ACSF3: variants seen among roughly 807,000 people sequenced by gnomAD.
The protein encoded by ACSF3 is acyl-CoA synthetase family member 3, also known as malonate--CoA ligase ACSF3, mitochondrial.
In ACSF3, 78 loss-of-function variants were observed where a neutral mutation model predicts 53.2. The observed-to-expected ratio is 1.47, with a 90% confidence interval of 1.22 to 1.77. The LOEUF is 1.77. Among genes scored for constraint, ACSF3 ranks in the 40% most tolerant of loss-of-function variants. The pLI is 0.00. For synonymous variants in ACSF3, 414 were observed against 333.1 expected (o/e 1.24, Z -2.65); for missense variants, 937 against 771.1 (o/e 1.22, Z -2.55).
rs959029403 is a variant in ACSF3, at chr16:89,098,687, C to G, written c.-97C>G. 2.2e-5 allele frequency: 10 copies of G among 454,030 alleles called. No homozygotes were observed. The highest frequency in any genetic ancestry group is 1.8e-4 in the African/African-American group (9 of 50,022). 28.1% of individuals were successfully genotyped at this position (454,030 alleles called of 1,614,324 possible). A position where few individuals can be genotyped will look rare whatever the true frequency, so the allele number is the denominator to read the frequency against. On this transcript the variant is annotated 5_prime_UTR_variant, in exon 2 of 11. Transcript: ENST00000614302. ...CCTGCACCTTATCGTGCCCTTCCAC[C>G]TGCTGAAGCAGCTGTGCCTGCCGCT...
intron 6 of ACSF3, among the ~76,000 whole-genome samples, chr16:89,119,708 G>A (rs1018126215): frequency 1.3e-5 from 2 of 152,146 alleles, no homozygotes; most frequent in African/African-American, 4.8e-5. Flanking sequence ...GAGAACTCCC[G>A]AGGTGACACT....
intron 8 of ACSF3, among the ~76,000 whole-genome samples, chr16:89,139,347 T>C (rs796420934): frequency 1.3e-5 from 2 of 152,150 alleles, no homozygotes; most frequent in African/African-American, 4.8e-5. Context: ...TCTTCCCTCT[T>C]CCGCCCCCAG....
At chr16:89,117,424 A>T (rs1183308601) in intron 6 of ACSF3, among the ~76,000 whole-genome samples, 1 of 152,132 alleles carries the variant, frequency 6.6e-6, no homozygotes, top group East Asian at 1.9e-4. Flanking sequence ...TTTTTACTGG[A>T]ACAGATACAA....
chr16:89,142,841 A>G (rs1405072728), intron 8 of ACSF3, among the ~76,000 whole-genome samples: 1 of 152,256 alleles, frequency 6.6e-6, no homozygotes, highest in Non-Finnish European at 1.5e-5. Flanking sequence ...GGGGTCTCGC[A>G]GTGGGCGGAG....
At position 89,100,953 on chromosome 16, in the gene ACSF3, G is replaced by A; in HGVS notation, c.272G>A (p.Gly91Glu). 6.2e-7 allele frequency: 1 copy of A among 1,613,648 alleles called. No individual in the cohort carries two copies. The highest frequency in any genetic ancestry group is 1.1e-5 in the South Asian group (1 of 91,086). The change falls in exon 3 of 11, where the codon GGG (glycine) becomes GAG (glutamate). Residue 91 changes from glycine (G) to glutamate (E), a missense_variant. Transcript: ENST00000614302. ...EICRLCGCVG[G>E]DLREERVSFL... ...TGCAGGCTCTGCGGGTGTGTCGGCG[G>A]GGACCTCCGGGAGGAGAGGGTCTCC...
chr16:89,134,187 T>C (rs924980010), intron 8 of ACSF3, among the ~76,000 whole-genome samples: 4 of 152,212 alleles, frequency 2.6e-5, no homozygotes, highest in African/African-American at 9.7e-5. Context: ...GGCAGGCTGC[T>C]TCCAAGATGG....
Position 89,156,146 on chromosome 16 carries a change from C to G in ACSF3, c.*1939C>G, listed in dbSNP as rs1387495276. ...CCAGTGCCCAGCCAGGCCCCTGGTT[C>G]CCCTCTGCTCCACCAGCCGAGAACA... On this transcript the variant is annotated 3_prime_UTR_variant, in exon 11 of 11. Coordinates refer to ENST00000614302, the MANE Select transcript of ACSF3 (RefSeq NM_001243279.3). Among the ~76,000 whole-genome samples, 1 of 152,156 alleles carries G rather than the reference C, an allele frequency of 6.6e-6. No individual in the cohort carries two copies. The highest frequency in any genetic ancestry group is 1.5e-5 in the Non-Finnish European group (1 of 68,018).
intron 7 of ACSF3, among the ~76,000 whole-genome samples, chr16:89,124,758 A>G (rs1259141691): frequency 1.3e-5 from 2 of 148,994 alleles, no homozygotes; most frequent in Admixed American, 6.8e-5. Context: ...GCAACACTGC[A>G]TGTGTATGTG....
intron 6 of ACSF3, among the ~76,000 whole-genome samples, chr16:89,117,371 C>T (rs1273348587): frequency 1.3e-5 from 2 of 152,176 alleles, no homozygotes; most frequent in East Asian, 1.9e-4. Flanking sequence ...GTGACCTCTT[C>T]AATGGCCCTC....
At chr16:89,104,369 A>G (rs8044192) in intron 4 of ACSF3, among the ~76,000 whole-genome samples, 107,150 of 152,130 alleles carry the variant, frequency 0.7, 38,352 homozygotes, top group Admixed American at 0.77. Context: ...GTTGTTCTGC[A>G]GGGCAGACGT....
In ACSF3 at chr16:89,133,164, G is replaced by C. The variant is rs370783227; in HGVS notation, c.1268G>C (p.Gly423Ala). The C allele has an allele frequency of 6.2e-7, 1 of 1,613,928 alleles. No homozygotes were observed. Among genetic ancestry groups the C allele is most frequent in the Admixed American group, 1.7e-5 (1 of 60,006 alleles). Residue 423 changes from glycine to alanine, a missense_variant, in exon 8 of 11, where the codon GGG becomes GCG. Physicochemically the swap from Gly to Ala is moderately conservative, Grantham distance 60. Transcript: ENST00000614302. ...KVTPGFEEKE[G>A]ELLVRGPSVF... ...ACCCCAGGGTTTGAAGAAAAGGAGG[G>C]GGAGCTGCTGGTGAGGGGACCCTCC...
chr16:89,150,198 C>G (rs949397120), intron 10 of ACSF3: 1 of 152,372 alleles, frequency 6.6e-6, no homozygotes, highest in Non-Finnish European at 1.5e-5. Flanking sequence ...TCCACCCTGA[C>G]TTGCCGTCTC....
chr16:89,154,053 C>T (rs1398270903), intron 10 of ACSF3, 37 bp from the exon 11 acceptor site: 2 of 1,600,528 alleles, frequency 1.2e-6, no homozygotes, highest in Non-Finnish European at 8.5e-7. Context: ...TGGGCACTGT[C>T]AGGGCAGTGC....
At chr16:89,102,905 C>T (rs1218493539) in intron 4 of ACSF3, 146 bp downstream of exon 4, 7 of 1,123,114 alleles carry the variant, frequency 6.2e-6, no homozygotes, top group African/African-American at 1.5e-5. Flanking sequence ...GACTAGGCAT[C>T]TTTTCCTGGT....
In ACSF3 at chr16:89,154,544, C is replaced by A. The variant is rs1368908631; in HGVS notation, c.*337C>A. The stretch of plus-strand genomic sequence containing the variant: ...GTTGCCAGGCTCTCCAGGGCAGGTC[C>A]CAGAGGTTTCCCACAAAAAACAAAG... On this transcript the variant is annotated 3_prime_UTR_variant, in exon 11 of 11. Coordinates refer to ENST00000614302, the MANE Select transcript of ACSF3 (RefSeq NM_001243279.3). The A allele has an allele frequency of 4.3e-6, 2 of 467,546 alleles. No individual in the cohort carries two copies. Among genetic ancestry groups the A allele is most frequent in the African/African-American group, 2.6e-5 (1 of 38,202 alleles). The allele number at this position is 467,546 out of a possible 1,614,324, so 29.0% of individuals were successfully genotyped here. A position where few individuals can be genotyped will look rare whatever the true frequency, so the allele number is the denominator to read the frequency against.
rs1162151894 is a variant in ACSF3, at chr16:89,093,964, A to G, written c.-226A>G. On this transcript the variant is annotated 5_prime_UTR_variant, in exon 1 of 11. Transcript: ENST00000614302. ...GGACGAGGAAGAGTTGTGGCGAGGC[A>G]GATCCTGCCCCGTGGCCGCGGCCGT... The G allele has an allele frequency of 2.5e-5, 8 of 314,250 alleles. No individual in the cohort carries two copies. Among genetic ancestry groups the G allele is most frequent in the Admixed American group, 2.3e-4 (7 of 30,548 alleles). The allele number at this position is 314,250 out of a possible 1,614,324, so 19.5% of individuals were successfully genotyped here.
intron 10 of ACSF3, chr16:89,148,480 C>T (rs1232232641): frequency 6.6e-6 from 1 of 152,222 alleles, no homozygotes; most frequent in Non-Finnish European, 1.5e-5. Context: ...GAGGTGGCTC[C>T]CAAGGCCATG....
At chr16:89,124,882 C>A (rs1907664929) in intron 7 of ACSF3, among the ~76,000 whole-genome samples, 1 of 152,250 alleles carries the variant, frequency 6.6e-6, no homozygotes, top group Admixed American at 6.5e-5. Flanking sequence ...TTGAGAGGGT[C>A]TACATACAGG....
intron 7 of ACSF3, among the ~76,000 whole-genome samples, chr16:89,127,036 T>A (rs138230777): frequency 1.3e-5 from 2 of 152,332 alleles, no homozygotes; most frequent in East Asian, 1.9e-4. Context: ...GTAGATTACA[T>A]TGAACCAAGC....
Sources: gnomAD v4.1 joint callset for allele counts (sites outside exome capture counted in the v4.1 genomes callset) on GRCh38, gnomAD v4.1.1 for gene constraint, MANE v1.5 for transcripts, NCBI Gene and HGNC (gene_info 2026-07-23, HGNC 2026-07-21) for gene names.